KIF13B: variants seen among roughly 807,000 people sequenced by gnomAD.
The protein encoded by KIF13B is kinesin-like protein KIF13B.
KIF13B carries 127 observed loss-of-function variants against 222.0 expected under a neutral mutation model. That is an observed-to-expected ratio of 0.57 (90% CI 0.50 to 0.66). The LOEUF (loss-of-function observed/expected upper bound fraction) is 0.66. KIF13B is among the 30% of genes least tolerant of loss of function. The pLI, the probability that KIF13B is intolerant of heterozygous loss-of-function variation, is 0.00. For synonymous variants in KIF13B, 976 were observed against 919.0 expected (o/e 1.06, Z -1.12); for missense variants, 2,173 against 2,379.0 (o/e 0.91, Z 1.80).
intron 15 of KIF13B, 91 bp downstream of exon 15, chr8:29,150,206 T>G: frequency 1.4e-6 from 1 of 695,916 alleles, no homozygotes; most frequent in Non-Finnish European, 2.5e-6. Flanking sequence ...AACATAATTG[T>G]TGTAGAGAAA....
chr8:29,089,244 G>A (rs149686423), intron 37 of KIF13B, among the ~76,000 whole-genome samples: 1 of 152,126 alleles, frequency 6.6e-6, no homozygotes, highest in Admixed American at 6.6e-5. Flanking sequence ...ACCAACCTGG[G>A]CAACACAGCG....
At chr8:29,147,752 T>C (rs1277936875) in intron 16 of KIF13B, 150 bp from the exon 17 acceptor site, 2 of 635,802 alleles carry the variant, frequency 3.1e-6, no homozygotes, top group African/African-American at 1.8e-5. Flanking sequence ...TTCCTGACTT[T>C]CAATCACTCA....
At chr8:29,150,042 G>A (rs1287489496) in intron 15 of KIF13B, among the ~76,000 whole-genome samples, 1 of 152,128 alleles carries the variant, frequency 6.6e-6, no homozygotes, top group Non-Finnish European at 1.5e-5. Context: ...TCATCTTCTA[G>A]TGGGAAATAA....
chr8:29,136,736 A>G (rs1810574172), intron 21 of KIF13B, among the ~76,000 whole-genome samples: 1 of 151,156 alleles, frequency 6.6e-6, no homozygotes, highest in Non-Finnish European at 1.5e-5. Flanking sequence ...ACCTTACTCT[A>G]CAGGGGTGAG....
In KIF13B at chr8:29,235,535, T is replaced by A. The variant is rs1022634869; in HGVS notation, c.149+9811A>T. 1.1e-4 allele frequency among the ~76,000 whole-genome samples: 17 copies of A among 152,098 alleles called. 1 individual carries two copies. Among genetic ancestry groups the A allele is most frequent in the Admixed American group, 1.1e-3 (17 of 15,276 alleles). ...ACGAGCACTAACAGAACCACTGCAA[T>A]CAATCAAGAGGCATCTAGTGCAGAC... is the stretch of plus-strand genomic sequence containing the variant. On this transcript the variant is annotated intron_variant, in intron 2 of 39. Coordinates refer to ENST00000524189, the MANE Select transcript of KIF13B (RefSeq NM_015254.4).
At chr8:29,134,231 T>C in intron 21 of KIF13B, 21 bp from the exon 22 acceptor site, 1 of 1,609,440 alleles carries the variant, frequency 6.2e-7, no homozygotes, top group Non-Finnish European at 8.5e-7. Flanking sequence ...AAGAAGGCTC[T>C]GTGTTTTGAA....
intron 34 of KIF13B, 75 bp downstream of exon 34, chr8:29,109,359 G>T: frequency 1.7e-6 from 2 of 1,171,050 alleles, no homozygotes; most frequent in Non-Finnish European, 2.6e-6. Context: ...TTGACGGGTG[G>T]AGAAGAGTTA....
intron 21 of KIF13B, among the ~76,000 whole-genome samples, chr8:29,134,827 A>T (rs73224668): frequency 0.19 from 28,914 of 152,018 alleles, 2,922 homozygotes; most frequent in Admixed American, 0.29. Context: ...TTAGTGAATG[A>T]TGACCATTTT....
At chr8:29,103,862 C>T (rs1192297776) in intron 35 of KIF13B, among the ~76,000 whole-genome samples, 5 of 152,166 alleles carry the variant, frequency 3.3e-5, no homozygotes, top group Non-Finnish European at 5.9e-5. Flanking sequence ...GGTCCAGAAG[C>T]GTTAACACAA....
chr8:29,206,718 C>A (rs1813959805), intron 2 of KIF13B, among the ~76,000 whole-genome samples: 1 of 152,086 alleles, frequency 6.6e-6, no homozygotes, highest in Admixed American at 6.6e-5. Context: ...AAAAACGGGA[C>A]AAAAACCTTG....
chr8:29,245,474 A>T, intron 1 of KIF13B, 35 bp from the exon 2 acceptor site: 1 of 1,460,860 alleles, frequency 6.8e-7, no homozygotes, highest in Non-Finnish European at 9.3e-7. Context: ...CAGTCATTTT[A>T]AAAAGTAATT....
intron 1 of KIF13B, 89 bp downstream of exon 1, chr8:29,262,891 G>A (rs1816739039): frequency 2.8e-6 from 3 of 1,084,350 alleles, no homozygotes; most frequent in East Asian, 3.1e-5. Context: ...TAGGGGCGGG[G>A]CCGCCGGACC....
At chr8:29,113,331 T>C (rs952190238) in intron 32 of KIF13B, 132 bp downstream of exon 32, 1 of 541,544 alleles carries the variant, frequency 1.8e-6, no homozygotes, top group Non-Finnish European at 3.2e-6. Flanking sequence ...ATTAGAAAAT[T>C]CCTCTAAAAA....
chr8:29,239,448 G>C (rs1448707695), intron 2 of KIF13B, among the ~76,000 whole-genome samples: 1 of 152,160 alleles, frequency 6.6e-6, no homozygotes, highest in Admixed American at 6.5e-5. Context: ...ACCTAACATT[G>C]TATGTTCTCA....
At position 29,186,205 on chromosome 8, in the gene KIF13B, GA is replaced by G. The variant is rs1812919413; in HGVS notation, c.497+86del. The G allele has an allele frequency of 9.2e-6, 10 of 1,082,422 alleles. No individual in the cohort carries two copies. The East Asian group carries it at 2.4e-4, about 26-fold the overall frequency. The allele number at this position is 1,082,422 out of a possible 1,614,324, so 67.1% of individuals were successfully genotyped here. A position where few individuals can be genotyped will look rare whatever the true frequency, so the allele number is the denominator to read the frequency against. ...CCTATGTGACAGAGCGAGACCCTCT[GA>G]AAAAATTAAAAAGATTTGCACTTAA... On this transcript the variant is annotated intron_variant, in intron 6 of 39. Coordinates refer to ENST00000524189, the MANE Select transcript of KIF13B (RefSeq NM_015254.4).
chr8:29,184,284 G>A (rs1033772359), intron 6 of KIF13B, among the ~76,000 whole-genome samples: 15 of 151,438 alleles, frequency 9.9e-5, no homozygotes, highest in Non-Finnish European at 1.8e-4. Flanking sequence ...ATCACCTTTA[G>A]AGATTTTAAT....
chr8:29,183,048 G>C (rs1262449658), intron 6 of KIF13B, among the ~76,000 whole-genome samples: 2 of 151,498 alleles, frequency 1.3e-5, no homozygotes, highest in East Asian at 1.9e-4. Flanking sequence ...CAATGATAAG[G>C]TTACTGATTT....
At chr8:29,221,196 A>AG (rs1437955877) in intron 2 of KIF13B, among the ~76,000 whole-genome samples, 2 of 142,820 alleles carry the variant, frequency 1.4e-5, no homozygotes, top group African/African-American at 2.7e-5. Flanking sequence ...TCCACCCCCC[A>AG]GGTTCAAGCA....
intron 2 of KIF13B, among the ~76,000 whole-genome samples, chr8:29,228,001 C>T (rs1586954970): frequency 6.6e-6 from 1 of 151,328 alleles, no homozygotes. Flanking sequence ...CTTCAGCTAC[C>T]TTTCTTTCCT....
Sources: allele counts gnomAD v4.1 joint callset (sites outside exome capture counted in the v4.1 genomes callset), GRCh38; gene constraint gnomAD v4.1.1; transcripts MANE v1.5; gene names NCBI Gene and HGNC (gene_info 2026-07-23, HGNC 2026-07-21).